SMPX: variants seen among roughly 807,000 people sequenced by gnomAD.
SMPX encodes small muscular protein.
SMPX carries 2 observed loss-of-function variants against 6.3 expected under a neutral mutation model. The observed-to-expected ratio is 0.32, with a 90% CI of 0.13 to 0.99. The LOEUF is 0.99. SMPX is among the 50% of genes least tolerant of loss of function. The pLI is 0.49. For missense variants in SMPX, 60 were observed against 66.8 expected (o/e 0.90, Z 0.36); for synonymous variants, 32 against 24.7 (o/e 1.30, Z -0.88).
In SMPX at chrX:21,729,862, C is replaced by A. The variant is rs775872218; in HGVS notation, c.*14+7687G>T. Among the ~76,000 whole-genome samples the A allele has an allele frequency of 8.9e-5, 10 of 111,903 alleles. No individual in the cohort carries two copies. In the South Asian group the frequency reaches 3.7e-3, roughly 42 times the overall value. ...TGAGAGGCTCTTAAAGCAACTGCCA[C>A]AATCAACTCAAAGTCTTCTTGTGTT... On this transcript the variant is annotated intron_variant, in intron 4 of 4. Transcript: ENST00000379494.
At chrX:21,717,008 GC>G (rs1157786482) in intron 4 of SMPX, among the ~76,000 whole-genome samples, 7 of 111,827 alleles carry the variant, frequency 6.3e-5, no homozygotes, top group Admixed American at 1.9e-4. Flanking sequence ...TGAAGTCTGT[GC>G]TTTTAGTGTA....
chrX:21,728,214 T>TTCTCTCTCTCTCTC (rs61469484), intron 4 of SMPX, among the ~76,000 whole-genome samples: 15 of 48,336 alleles, frequency 3.1e-4, no homozygotes, highest in East Asian at 6.2e-4. Flanking sequence ...TTCCCCTCCT[T>TTCTCTCTCTCTCTC]TCTCTCTCTC....
intron 3 of SMPX, 119 bp from the exon 4 acceptor site, chrX:21,737,816 A>G: frequency 3.0e-6 from 2 of 672,587 alleles, no homozygotes. Flanking sequence ...TGATTCTAGC[A>G]GAGTGACTGT....
chrX:21,742,312 G>A (rs2092816950), intron 3 of SMPX, among the ~76,000 whole-genome samples: 1 of 112,216 alleles, frequency 8.9e-6, no homozygotes, highest in Non-Finnish European at 1.9e-5. Context: ...AGGCCCAGGA[G>A]TGCTTCATGA....
At chrX:21,714,475 C>CA (rs1373711968) in intron 4 of SMPX, among the ~76,000 whole-genome samples, 2 of 111,537 alleles carry the variant, frequency 1.8e-5, no homozygotes, top group African/African-American at 6.5e-5. Context: ...ATTTTGCTAC[C>CA]ATAAATGAAC....
In SMPX at chrX:21,737,548, C is replaced by G. The variant is rs761398278; in HGVS notation, c.*14+1G>C. 2.2e-5 allele frequency: 27 copies of G among 1,202,847 alleles called. No homozygotes were observed. Among genetic ancestry groups the G allele is most frequent in the African/African-American group, 3.5e-5 (2 of 57,112 alleles). ...GACAAAGAAGATAGTTTTTCACTCA[C>G]CTTTTTTCTTCCTACTACTGTTCAG... On this transcript the variant is annotated splice_donor_variant, in intron 4 of 4. Transcript: ENST00000379494. LOFTEE classifies it low-confidence loss of function (3UTR_SPLICE).
intron 2 of SMPX, among the ~76,000 whole-genome samples, chrX:21,753,624 A>G (rs1260683881): frequency 2.7e-5 from 3 of 112,087 alleles, no homozygotes; most frequent in Non-Finnish European, 5.6e-5. Flanking sequence ...AGAAATAACA[A>G]ATTAAATATT....
chrX:21,723,787 TA>T (rs767549807), intron 4 of SMPX, among the ~76,000 whole-genome samples: 169 of 111,124 alleles, frequency 1.5e-3, no homozygotes, highest in African/African-American at 5.3e-3. Context: ...GATCACATAG[TA>T]AAAAAAGGGT....
chrX:21,737,534 T>C lies in SMPX; in HGVS notation c.*14+15A>G, dbSNP rs201168134. 7.5e-6 allele frequency: 9 copies of C among 1,193,636 alleles called. No individual in the cohort carries two copies. The highest frequency in any genetic ancestry group is 3.0e-5 in the East Asian group (1 of 33,673). On this transcript the variant is annotated intron_variant, in intron 4 of 4. Transcript: ENST00000379494. The stretch of plus-strand genomic sequence containing the variant: ...AGAGGACTTTTTGAGACAAAGAAGA[T>C]AGTTTTTCACTCACCTTTTTTCTTC...
At chrX:21,751,277 T>C (rs2092827210) in intron 2 of SMPX, among the ~76,000 whole-genome samples, 1 of 112,185 alleles carries the variant, frequency 8.9e-6, no homozygotes, top group South Asian at 3.7e-4. Context: ...TTTTCAAACA[T>C]TAAACTATAT....
chrX:21,741,427 A>G (rs2092815936), intron 3 of SMPX, among the ~76,000 whole-genome samples: 1 of 111,916 alleles, frequency 8.9e-6, no homozygotes, highest in East Asian at 2.8e-4. Flanking sequence ...ATGTTATTTC[A>G]AATCCAAATT....
chrX:21,717,371 T>A (rs781643219), intron 4 of SMPX, among the ~76,000 whole-genome samples: 1 of 112,296 alleles, frequency 8.9e-6, no homozygotes, highest in African/African-American at 3.2e-5. Flanking sequence ...CCTGAGGCCA[T>A]CCCAGCCATG....
intron 4 of SMPX, among the ~76,000 whole-genome samples, chrX:21,715,303 T>TGTGTGTGTGTGTGTGTGTGTGCGC (rs1175730294): frequency 1.2e-5 from 1 of 86,074 alleles, no homozygotes; most frequent in African/African-American, 6.0e-5. Context: ...TGTGTGTGTG[T>TGTGTGTGTGTGTGTGTGTGTGCGC]GCGCGCACGC....
chrX:21,737,719 T>C, intron 3 of SMPX, 22 bp from the exon 4 acceptor site: 1 of 1,206,346 alleles, frequency 8.3e-7, no homozygotes, highest in Non-Finnish European at 1.1e-6. Flanking sequence ...GGAGAAGAAA[T>C]CCAACTCACC....
At chrX:21,754,894 C>T (rs1036476612) in intron 1 of SMPX, among the ~76,000 whole-genome samples, 1 of 112,436 alleles carries the variant, frequency 8.9e-6, no homozygotes, top group African/African-American at 3.2e-5. Flanking sequence ...TGTGCCCCTA[C>T]CCAATGCTTT....
At chrX:21,743,926 G>A (rs964368105) in intron 2 of SMPX, 90 bp from the exon 3 acceptor site, 16 of 671,376 alleles carry the variant, frequency 2.4e-5, no homozygotes, top group Admixed American at 1.2e-4. Context: ...AGAAAAATGC[G>A]TCTGAAAAGT....
chrX:21,713,573 A>T (rs1460247145), intron 4 of SMPX, among the ~76,000 whole-genome samples: 1 of 111,761 alleles, frequency 8.9e-6, no homozygotes, highest in Admixed American at 9.5e-5. Context: ...GAGCATGTGC[A>T]GGGGAACTCC....
chrX:21,731,531 CACATTATGTGTGTATGTGTATATAT>C (rs2092803963), intron 4 of SMPX, among the ~76,000 whole-genome samples: 1 of 77,572 alleles, frequency 1.3e-5, no homozygotes, highest in Non-Finnish European at 2.6e-5. Flanking sequence ...TGTACACATA[CACATTATGTGTGTATGTGTATATAT>C]ACACATTATG....
At chrX:21,709,650 C>A (rs1353863889) in intron 4 of SMPX, among the ~76,000 whole-genome samples, 1 of 111,685 alleles carries the variant, frequency 9.0e-6, no homozygotes, top group East Asian at 2.8e-4. Context: ...TGCAGAAATC[C>A]AGGAGTGTTG....
Sources: gnomAD v4.1 joint callset for allele counts (sites outside exome capture counted in the v4.1 genomes callset) on GRCh38, gnomAD v4.1.1 for gene constraint, MANE v1.5 for transcripts, NCBI Gene and HGNC (gene_info 2026-07-23, HGNC 2026-07-21) for gene names.